Variants in DIP2C observed in about 807,000 individuals in gnomAD.
The protein encoded by DIP2C is disco-interacting protein 2 homolog C.
In DIP2C, 33 loss-of-function variants were observed where a neutral mutation model predicts 192.4. That is an observed-to-expected ratio of 0.17 (90% CI 0.13 to 0.23). The LOEUF is 0.23. Among genes scored for constraint, DIP2C ranks in the 10% least tolerant of loss-of-function variants. The pLI is 1.00. For missense variants in DIP2C, 1,537 were observed against 2,110.1 expected (o/e 0.73, Z 5.32); for synonymous variants, 979 against 864.1 (o/e 1.13, Z -2.33).
In DIP2C at chr10:448,657, G is replaced by C. The variant is rs192062326; in HGVS notation, c.269-7661C>G. 2.7e-3 allele frequency among the ~76,000 whole-genome samples: 338 copies of C among 126,906 alleles called. 3 individuals carry two copies. Among genetic ancestry groups the C allele is most frequent in the East Asian group, 6.1e-3 (24 of 3,960 alleles). 83.3% of individuals were successfully genotyped at this position (126,906 alleles called of 152,430 possible). On this transcript the variant is annotated intron_variant, in intron 3 of 36. Coordinates refer to ENST00000280886, the MANE Select transcript of DIP2C (RefSeq NM_014974.3). Reference sequence around the variant, plus strand: ...GGATCACACACAGTGGGGCAAGCAGGACCCACTCACCCCTGTCGATATTCA... The same window carrying C: ...GGATCACACACAGTGGGGCAAGCAGCACCCACTCACCCCTGTCGATATTCA...
chr10:615,079 A>C (rs975741240), intron 1 of DIP2C, among the ~76,000 whole-genome samples: 2 of 152,218 alleles, frequency 1.3e-5, no homozygotes, highest in African/African-American at 4.8e-5. Context: ...CGCTGTCCCA[A>C]GCCCTCATTA....
chr10:595,227 C>T (rs1413391677), intron 1 of DIP2C, among the ~76,000 whole-genome samples: 2 of 152,216 alleles, frequency 1.3e-5, no homozygotes, highest in Non-Finnish European at 1.5e-5. Context: ...CGTCCCCTCA[C>T]GCAGGTTTAC....
At chr10:601,374 T>A (rs1004532785) in intron 1 of DIP2C, among the ~76,000 whole-genome samples, 1 of 152,100 alleles carries the variant, frequency 6.6e-6, no homozygotes, top group Non-Finnish European at 1.5e-5. Flanking sequence ...CAAATGCATA[T>A]GTCAAAGTAA....
rs535722859 is a variant in DIP2C at position 311,729 on chromosome 10, AAAG to A, written c.3925-1640_3925-1638del. Reference sequence around the variant, plus strand: ...ATGCGAAAAGCAGGAAACAAAATGAAAAGAAGATCAAAAACAACATCAAATATG... The same window carrying A: ...ATGCGAAAAGCAGGAAACAAAATGAAAAGATCAAAAACAACATCAAATATG... On this transcript the variant is annotated intron_variant, in intron 31 of 36. Transcript: ENST00000280886. Among the ~76,000 whole-genome samples the A allele has an allele frequency of 6.6e-4, 100 of 152,358 alleles. 2 individuals carry two copies. The highest frequency in any genetic ancestry group is 5.2e-3 in the South Asian group (25 of 4,830).
intron 1 of DIP2C, among the ~76,000 whole-genome samples, chr10:673,086 G>A (rs1488291824): frequency 6.6e-6 from 1 of 152,160 alleles, no homozygotes; most frequent in Non-Finnish European, 1.5e-5. Flanking sequence ...CCCCGGCCTT[G>A]CTGCTCAGCT....
At chr10:591,674 T>C (rs1461660835) in intron 1 of DIP2C, among the ~76,000 whole-genome samples, 1 of 152,196 alleles carries the variant, frequency 6.6e-6, no homozygotes, top group Non-Finnish European at 1.5e-5. Flanking sequence ...GCCGGTGAGT[T>C]AGACACAAGG....
intron 3 of DIP2C, among the ~76,000 whole-genome samples, chr10:449,663 G>A (rs1968668623): frequency 1.3e-5 from 2 of 150,436 alleles, no homozygotes; most frequent in Non-Finnish European, 3.0e-5. Context: ...GATAGCAGTG[G>A]GAGATATACC....
chr10:330,650 G>GTTT lies in DIP2C; in HGVS notation c.3585-1052_3585-1050dup, dbSNP rs566210340. Among the ~76,000 whole-genome samples the GTTT allele has an allele frequency of 3.7e-3, 522 of 141,412 alleles. 22 individuals carry two copies. The East Asian group carries it at 0.077, about 21-fold the overall frequency. The allele number at this position is 141,412 out of a possible 152,430, so 92.8% of individuals were successfully genotyped here. The stretch of plus-strand genomic sequence containing the variant: ...ACCACAGGTGTGCACCACCATGCTT[G>GTTT]TTTTTTTTTTTTTTCAGTGGTAGGG... On this transcript the variant is annotated intron_variant, in intron 29 of 36. Coordinates refer to ENST00000280886, the MANE Select transcript of DIP2C (RefSeq NM_014974.3).
chr10:548,122 TC>T (rs995067322), intron 1 of DIP2C, among the ~76,000 whole-genome samples: 1 of 149,424 alleles, frequency 6.7e-6, no homozygotes, highest in Admixed American at 6.7e-5. Flanking sequence ...GGTGTGGTGG[TC>T]CCCTGTCCCC....
chr10:559,802 G>A (rs1165637296), intron 1 of DIP2C, among the ~76,000 whole-genome samples: 1 of 152,204 alleles, frequency 6.6e-6, no homozygotes, highest in African/African-American at 2.4e-5. Context: ...GGCCTGGCAG[G>A]AGGCCACTGC....
intron 1 of DIP2C, among the ~76,000 whole-genome samples, chr10:509,313 TACAG>T (rs1444095453): frequency 6.6e-6 from 1 of 152,128 alleles, no homozygotes; most frequent in Non-Finnish European, 1.5e-5. Context: ...ATCCTCCTCC[TACAG>T]ACAAACTGAA....
At position 484,448 on chromosome 10, in the gene DIP2C, A is replaced by T. The variant is rs187537352; in HGVS notation, c.157+2011T>A. 2.0e-3 allele frequency among the ~76,000 whole-genome samples: 311 copies of T among 152,356 alleles called. 1 individual carries two copies. Among genetic ancestry groups the T allele is most frequent in the Non-Finnish European group, 3.4e-3 (228 of 68,040 alleles). On this transcript the variant is annotated intron_variant, in intron 2 of 36. Coordinates refer to ENST00000280886, the MANE Select transcript of DIP2C (RefSeq NM_014974.3). ...TAATTGGGTCTTTGGCTATAAGATG[A>T]AAGTCTGTAGAATACCAGTGGCTTT...
chr10:438,376 C>G (rs138296833), intron 4 of DIP2C, among the ~76,000 whole-genome samples: 2 of 152,194 alleles, frequency 1.3e-5, no homozygotes, highest in African/African-American at 4.8e-5. Context: ...TAAAATATTT[C>G]AAGTGGGTTA....
At chr10:514,211 T>C (rs981751278) in intron 1 of DIP2C, among the ~76,000 whole-genome samples, 11 of 133,530 alleles carry the variant, frequency 8.2e-5, no homozygotes, top group African/African-American at 3.9e-4. Flanking sequence ...CCCCCTTCCT[T>C]GGGCTTTGCT....
At chr10:486,815 C>A (rs1464355764) in intron 1 of DIP2C, among the ~76,000 whole-genome samples, 1 of 152,230 alleles carries the variant, frequency 6.6e-6, no homozygotes, top group East Asian at 1.9e-4. Context: ...GCCATCTCAT[C>A]CCCACCCGCT....
intron 4 of DIP2C, among the ~76,000 whole-genome samples, chr10:431,017 T>C (rs1028967537): frequency 2.6e-5 from 4 of 152,260 alleles, no homozygotes; most frequent in Non-Finnish European, 2.9e-5. Flanking sequence ...TGTCAAAGTT[T>C]AGTTGACTAT....
chr10:662,460 G>C (rs1355792629), intron 1 of DIP2C, among the ~76,000 whole-genome samples: 1 of 152,224 alleles, frequency 6.6e-6, no homozygotes, highest in Non-Finnish European at 1.5e-5. Context: ...GCAGGCACAG[G>C]CTGCACCCCC....
intron 6 of DIP2C, among the ~76,000 whole-genome samples, chr10:418,295 TCGGAGC>T: frequency 6.7e-6 from 1 of 149,902 alleles, no homozygotes; most frequent in Non-Finnish European, 1.5e-5. Flanking sequence ...CGTCCACCTG[TCGGAGC>T]TCGGATAGGC....
At chr10:599,703 C>G (rs1050532833) in intron 1 of DIP2C, among the ~76,000 whole-genome samples, 1 of 152,194 alleles carries the variant, frequency 6.6e-6, no homozygotes, top group Admixed American at 6.5e-5. Context: ...CCAGTGCATT[C>G]GGAGCAAGTA....
Sources: gnomAD v4.1 joint callset for allele counts (sites outside exome capture counted in the v4.1 genomes callset) on GRCh38, gnomAD v4.1.1 for gene constraint, MANE v1.5 for transcripts, NCBI Gene and HGNC (gene_info 2026-07-23, HGNC 2026-07-21) for gene names.